CPEB1: variants seen among roughly 807,000 people sequenced by gnomAD.
CPEB1 encodes the protein cytoplasmic polyadenylation element binding protein 1.
CPEB1 carries 7 observed loss-of-function variants against 65.8 expected under a neutral mutation model. That is an observed-to-expected ratio of 0.11 (90% CI 0.06 to 0.20). The LOEUF (loss-of-function observed/expected upper bound fraction) is 0.20. Ranked by LOEUF, CPEB1 falls within the 10% of genes least tolerant of loss-of-function variation. CPEB1 has a pLI of 1.00. For missense variants in CPEB1, 551 were observed against 712.2 expected (o/e 0.77, Z 2.58); for synonymous variants, 262 against 260.0 (o/e 1.01, Z -0.08).
chr15:82,622,120 T>C (rs1216103160), intron 3 of CPEB1, among the ~76,000 whole-genome samples: 1 of 152,120 alleles, frequency 6.6e-6, no homozygotes, highest in East Asian at 1.9e-4. Flanking sequence ...TCCTCACAGA[T>C]TCCAAAAGGT....
chr15:82,610,606 T>C (rs191542664), intron 3 of CPEB1, among the ~76,000 whole-genome samples: 3 of 152,088 alleles, frequency 2.0e-5, no homozygotes, highest in African/African-American at 4.8e-5. Flanking sequence ...AGACAAGTAT[T>C]TGATGAAAAT....
At chr15:82,618,975 A>G (rs2045034153) in intron 3 of CPEB1, among the ~76,000 whole-genome samples, 2 of 152,192 alleles carry the variant, frequency 1.3e-5, no homozygotes, top group Admixed American at 6.5e-5. Flanking sequence ...AGCTGAATCT[A>G]TAATTTATAT....
At chr15:82,572,478 C>A (rs17158403) in intron 3 of CPEB1, among the ~76,000 whole-genome samples, 1 of 152,074 alleles carries the variant, frequency 6.6e-6, no homozygotes, top group Non-Finnish European at 1.5e-5. Context: ...GAGACCTGCC[C>A]TGACTAGGAT....
chr15:82,567,219 T>C (rs2039280077), intron 4 of CPEB1, among the ~76,000 whole-genome samples: 1 of 152,094 alleles, frequency 6.6e-6, no homozygotes, highest in Non-Finnish European at 1.5e-5. Flanking sequence ...TGGAAGAAGC[T>C]TCAGATGAAA....
chr15:82,585,959 TA>T (rs2041763239), intron 3 of CPEB1, among the ~76,000 whole-genome samples: 1 of 150,954 alleles, frequency 6.6e-6, no homozygotes, highest in Non-Finnish European at 1.5e-5. Context: ...AACCAGGATA[TA>T]AGTGAAGAAA....
At chr15:82,546,585 G>A in intron 11 of CPEB1, 64 bp from the exon 12 acceptor site, 1 of 1,193,116 alleles carries the variant, frequency 8.4e-7, no homozygotes, top group Non-Finnish European at 1.3e-6. Flanking sequence ...ATAGGCGATA[G>A]AAGAAGGGCA....
chr15:82,552,900 C>G (rs1161301146), intron 8 of CPEB1, among the ~76,000 whole-genome samples: 1 of 152,214 alleles, frequency 6.6e-6, no homozygotes, highest in African/African-American at 2.4e-5. Flanking sequence ...ATGTTCAGGT[C>G]AGCAGAGCCA....
At chr15:82,633,853 CCTT>C (rs1055817474) in intron 1 of CPEB1, among the ~76,000 whole-genome samples, 29 of 152,242 alleles carry the variant, frequency 1.9e-4, no homozygotes, top group African/African-American at 7.0e-4. Flanking sequence ...TCCTCCTCCT[CCTT>C]AAAAGTGGGA....
chr15:82,648,009 C>T (rs1596158004), upstream of CPEB1: 3 of 636,338 alleles, frequency 4.7e-6, no homozygotes, highest in African/African-American at 3.8e-5. Flanking sequence ...TCCTACGAGC[C>T]GCTCCTCGGA....
intron 3 of CPEB1, among the ~76,000 whole-genome samples, chr15:82,613,397 GT>G (rs1373922812): frequency 2.0e-5 from 3 of 151,888 alleles, no homozygotes; most frequent in South Asian, 2.1e-4. Context: ...GTTTTGTTTT[GT>G]TTTTTTGGAG....
intron 3 of CPEB1, among the ~76,000 whole-genome samples, chr15:82,593,946 T>G (rs946475656): frequency 1.3e-5 from 2 of 152,228 alleles, no homozygotes; most frequent in African/African-American, 2.4e-5. Context: ...TTAGCCATAG[T>G]GCAAACAGAT....
At chr15:82,545,801 C>T (rs139473545) in intron 12 of CPEB1, among the ~76,000 whole-genome samples, 65 of 152,260 alleles carry the variant, frequency 4.3e-4, no homozygotes, top group Non-Finnish European at 7.9e-4. Context: ...GAAAAATCAG[C>T]TTAGAAGGCT....
At chr15:82,621,707 G>A (rs968959328) in intron 3 of CPEB1, among the ~76,000 whole-genome samples, 2 of 151,864 alleles carry the variant, frequency 1.3e-5, no homozygotes, top group African/African-American at 4.9e-5. Flanking sequence ...TTAGGTCTGA[G>A]AGCTGGTTAC....
Position 82,544,711 on chromosome 15 carries a change from G to C in CPEB1, c.1657-9C>G. 1 of 1,608,380 alleles carries C rather than the reference G, an allele frequency of 6.2e-7. No individual in the cohort carries two copies. The highest frequency in any genetic ancestry group is 2.2e-5 in the East Asian group (1 of 44,862). On this transcript the variant is annotated splice_polypyrimidine_tract_variant and intron_variant, in intron 12 of 12. Coordinates refer to ENST00000684509, the MANE Select transcript of CPEB1 (RefSeq NM_001365242.1). ...AAGTATTTGAAGCAGACCTGGGTTG[G>C]GGGAACAAAAAGGAGGATGCCATGC...
At chr15:82,549,765 C>T (rs1275899402) in intron 9 of CPEB1, 107 bp from the exon 10 acceptor site, 2 of 1,081,280 alleles carry the variant, frequency 1.8e-6, no homozygotes, top group Non-Finnish European at 1.4e-6. Context: ...AGCTAACGCC[C>T]TTACAGGGGT....
At chr15:82,554,564 A>G (rs145229521) in intron 6 of CPEB1, among the ~76,000 whole-genome samples, 1 of 152,270 alleles carries the variant, frequency 6.6e-6, no homozygotes, top group East Asian at 1.9e-4. Flanking sequence ...TCTTTATAGC[A>G]CCCAAATAGA....
intron 3 of CPEB1, among the ~76,000 whole-genome samples, chr15:82,601,030 G>A (rs188607156): frequency 6.1e-5 from 9 of 148,076 alleles, no homozygotes; most frequent in African/African-American, 7.5e-5. Context: ...TCAGCCTCCC[G>A]AGTAGCTGGG....
intron 3 of CPEB1, among the ~76,000 whole-genome samples, chr15:82,589,191 G>A (rs1427554764): frequency 6.6e-6 from 1 of 152,172 alleles, no homozygotes; most frequent in Non-Finnish European, 1.5e-5. Context: ...CCCCTGGAAA[G>A]CCCTGTACCT....
chr15:82,600,897 CTTTTTTTTT>C (rs751843256), intron 3 of CPEB1, among the ~76,000 whole-genome samples: 111 of 64,178 alleles, frequency 1.7e-3, no homozygotes, highest in African/African-American at 6.1e-3. Flanking sequence ...CAGAACTTGT[CTTTTTTTTT>C]TTTTTTTTTT....
Sources: gnomAD v4.1 joint callset for allele counts (sites outside exome capture counted in the v4.1 genomes callset) on GRCh38, gnomAD v4.1.1 for gene constraint, MANE v1.5 for transcripts, NCBI Gene and HGNC (gene_info 2026-07-23, HGNC 2026-07-21) for gene names.